NR6A1: variants seen among roughly 807,000 people sequenced by gnomAD.
The protein encoded by NR6A1 is retinoic acid receptor-related testis-associated receptor.
A neutral mutation model predicts 59.1 loss-of-function variants in NR6A1; 7 were observed. The observed-to-expected ratio is 0.12, with a 90% CI of 0.07 to 0.22. NR6A1 has a LOEUF of 0.22. NR6A1 is among the 10% of genes least tolerant of loss of function. NR6A1 has a pLI of 1.00. For missense variants in NR6A1, 468 were observed against 611.6 expected (o/e 0.77, Z 2.48); for synonymous variants, 243 against 236.1 (o/e 1.03, Z -0.27).
chr9:124,623,025 C>T (rs551121350), intron 2 of NR6A1, among the ~76,000 whole-genome samples: 2 of 152,138 alleles, frequency 1.3e-5, no homozygotes, highest in Non-Finnish European at 2.9e-5. Flanking sequence ...GGCAATACTA[C>T]TAAAAATCCA....
chr9:124,681,338 C>CTTTTTTT (rs779847656), intron 2 of NR6A1, among the ~76,000 whole-genome samples: 7 of 110,780 alleles, frequency 6.3e-5, no homozygotes, highest in African/African-American at 1.0e-4. Flanking sequence ...AACATTTGAG[C>CTTTTTTT]TTTTTTTTTT....
intron 2 of NR6A1, among the ~76,000 whole-genome samples, chr9:124,719,888 T>C (rs1484267625): frequency 6.6e-6 from 1 of 151,868 alleles, no homozygotes; most frequent in Non-Finnish European, 1.5e-5. Context: ...ACCATTGCAC[T>C]CCAGCCTGGG....
intron 2 of NR6A1, among the ~76,000 whole-genome samples, chr9:124,606,814 T>G (rs988525623): frequency 6.6e-6 from 1 of 152,180 alleles, no homozygotes; most frequent in African/African-American, 2.4e-5. Context: ...CCAAAGGCCA[T>G]GGGCACCTCC....
At chr9:124,595,974 T>C (rs1835260131) in intron 2 of NR6A1, 1 of 175,062 alleles carries the variant, frequency 5.7e-6, no homozygotes, top group Non-Finnish European at 1.1e-5. Context: ...ACGGAGTTCG[T>C]TTATTACCAA....
intron 2 of NR6A1, among the ~76,000 whole-genome samples, chr9:124,717,194 C>A (rs1839434904): frequency 6.6e-6 from 1 of 152,136 alleles, no homozygotes; most frequent in Admixed American, 6.6e-5. Context: ...TCGGAAATTT[C>A]ATAAAAAGTT....
At chr9:124,630,213 T>TA (rs1448099579) in intron 2 of NR6A1, among the ~76,000 whole-genome samples, 2 of 145,032 alleles carry the variant, frequency 1.4e-5, no homozygotes, top group Non-Finnish European at 3.0e-5. Flanking sequence ...CAAATCAGTT[T>TA]TTTTTTTTTT....
intron 2 of NR6A1, chr9:124,692,545 G>T (rs765859717): frequency 1.9e-6 from 1 of 520,440 alleles, no homozygotes. Flanking sequence ...GTACCTTGGG[G>T]TCCTTACAGA....
chr9:124,559,046 A>G (rs1042804462), intron 2 of NR6A1, among the ~76,000 whole-genome samples: 5 of 152,226 alleles, frequency 3.3e-5, no homozygotes, highest in African/African-American at 1.2e-4. Context: ...TTCTTATCTT[A>G]TAGATAAGGC....
intron 2 of NR6A1, among the ~76,000 whole-genome samples, chr9:124,713,906 G>T (rs761008724): frequency 6.6e-6 from 1 of 152,178 alleles, no homozygotes; most frequent in Non-Finnish European, 1.5e-5. Context: ...CCAAAGAATT[G>T]AAAGTAGGGA....
intron 7 of NR6A1, among the ~76,000 whole-genome samples, chr9:124,532,729 G>C (rs150342558): frequency 1.3e-5 from 2 of 152,218 alleles, no homozygotes; most frequent in Admixed American, 6.5e-5. Flanking sequence ...AGACAGCAAC[G>C]CTCAATAAAA....
intron 2 of NR6A1, among the ~76,000 whole-genome samples, chr9:124,636,979 C>A (rs1425340519): frequency 6.6e-6 from 1 of 152,116 alleles, no homozygotes; most frequent in Non-Finnish European, 1.5e-5. Context: ...CCTCTAGAAT[C>A]TGGAGGGAGA....
At chr9:124,650,942 T>C (rs1356328013) in intron 2 of NR6A1, among the ~76,000 whole-genome samples, 2 of 152,202 alleles carry the variant, frequency 1.3e-5, no homozygotes, top group African/African-American at 4.8e-5. Context: ...ACCCTGGCAA[T>C]GCCCCCAAAA....
chr9:124,672,208 ATGGATATTTAGT>A, intron 2 of NR6A1, among the ~76,000 whole-genome samples: 1 of 152,204 alleles, frequency 6.6e-6, no homozygotes, highest in African/African-American at 2.4e-5. Context: ...TCTACTATTG[ATGGATATTTAGT>A]TGTTTCTAGT....
intron 2 of NR6A1, among the ~76,000 whole-genome samples, chr9:124,729,997 G>A (rs974794767): frequency 6.6e-6 from 1 of 151,992 alleles, no homozygotes; most frequent in African/African-American, 2.4e-5. Flanking sequence ...TTTTTTAGTA[G>A]AGATGGGGTT....
intron 1 of NR6A1, among the ~76,000 whole-genome samples, chr9:124,770,458 G>C (rs1438166906): frequency 6.6e-6 from 1 of 151,732 alleles, no homozygotes; most frequent in African/African-American, 2.4e-5. Context: ...GCTCTAGAAA[G>C]CTGAGCGGTA....
At chr9:124,568,459 G>A (rs1588673794) in intron 2 of NR6A1, among the ~76,000 whole-genome samples, 2 of 151,374 alleles carry the variant, frequency 1.3e-5, no homozygotes, top group East Asian at 3.9e-4. Flanking sequence ...CTCCAGCCTG[G>A]GTGACACAGC....
intron 2 of NR6A1, among the ~76,000 whole-genome samples, chr9:124,637,454 T>C (rs1836641944): frequency 6.6e-6 from 1 of 152,222 alleles, no homozygotes; most frequent in Non-Finnish European, 1.5e-5. Flanking sequence ...GTGTTGTACA[T>C]ACTTTACTGC....
chr9:124,702,345 A>C (rs1310817190), intron 2 of NR6A1, among the ~76,000 whole-genome samples: 5 of 152,132 alleles, frequency 3.3e-5, no homozygotes, highest in African/African-American at 4.8e-5. Flanking sequence ...TCCCAGCATC[A>C]TTTCTGGAAA....
chr9:124,771,268 T>G lies in NR6A1; in HGVS notation c.-149A>C. 1 of 400,512 alleles carries G rather than the reference T, an allele frequency of 2.5e-6. No individual in the cohort carries two copies. The highest frequency in any genetic ancestry group is 4.3e-6 in the Non-Finnish European group (1 of 230,282). 24.8% of individuals were successfully genotyped at this position (400,512 alleles called of 1,614,324 possible). A position where few individuals can be genotyped will look rare whatever the true frequency, so the allele number is the denominator to read the frequency against. On this transcript the variant is annotated 5_prime_UTR_variant, in exon 1 of 10. Transcript: ENST00000487099. ...CTCTCTGGGCCCCGAGCCGCCCGGC[T>G]CCGCGCCGCTCCGCGCCCCTCCGCG...
Sources: allele counts gnomAD v4.1 joint callset (sites outside exome capture counted in the v4.1 genomes callset), GRCh38; gene constraint gnomAD v4.1.1; transcripts MANE v1.5; gene names NCBI Gene and HGNC (gene_info 2026-07-23, HGNC 2026-07-21).